U2AF2: variants seen among roughly 807,000 people sequenced by gnomAD.
The protein encoded by U2AF2 is splicing factor U2AF 65 kDa subunit.
A neutral mutation model predicts 52.6 loss-of-function variants in U2AF2; 6 were observed. That is an observed-to-expected ratio of 0.11 (90% CI 0.06 to 0.23). U2AF2 has a LOEUF of 0.23. Among genes scored for constraint, U2AF2 ranks in the 10% least tolerant of loss-of-function variants. The pLI is 1.00. For missense variants in U2AF2, 222 were observed against 677.1 expected, an observed-to-expected ratio of 0.33 and a Z score of 7.46; for synonymous variants, 284 against 258.2, an observed-to-expected ratio of 1.10 and a Z score of -0.96.
chr19:55,660,746 G>C (rs1245433298), intron 4 of U2AF2, 127 bp downstream of exon 4: 1 of 979,360 alleles, frequency 1.0e-6, no homozygotes, highest in African/African-American at 1.6e-5. Context: ...ACACCCCTGG[G>C]GGTTCTGGTC....
At chr19:55,660,147 C>G (rs371714687) in intron 2 of U2AF2, 30 bp from the exon 3 acceptor site, 3 of 1,591,330 alleles carry the variant, frequency 1.9e-6, no homozygotes. Flanking sequence ...CCAGTCACCC[C>G]TCCCCATACC....
intron 1 of U2AF2, among the ~76,000 whole-genome samples, chr19:55,657,912 A>G (rs1983899017): frequency 6.6e-6 from 1 of 152,200 alleles, no homozygotes; most frequent in Admixed American, 6.5e-5. Flanking sequence ...TTTCCGAAGC[A>G]GTAGTGAGGA....
In U2AF2 at chr19:55,669,181, G is replaced by A. The variant is rs774722661; in HGVS notation, c.1044G>A (p.Pro348=). The A allele has an allele frequency of 5.6e-6, 9 of 1,613,616 alleles. No individual in the cohort carries two copies. Among genetic ancestry groups the A allele is most frequent in the African/African-American group, 1.3e-5 (1 of 74,902 alleles). The part of the protein sequence containing the change: ...GAKNATLVSP[P]STINQTPVTL... ...AGAATGCCACGCTGGTGAGCCCCCC[G>A]GCACGTCATCTTCCATTGGCTTGAG... The change falls in exon 10 of 12, where the codon CCG becomes CCA. Residue 348 remains proline (P), a splice_region_variant and synonymous_variant. Coordinates refer to ENST00000308924, the MANE Select transcript of U2AF2 (RefSeq NM_007279.3).
intron 7 of U2AF2, among the ~76,000 whole-genome samples, chr19:55,665,517 T>C (rs1171316735): frequency 1.5e-5 from 2 of 135,372 alleles, no homozygotes; most frequent in Non-Finnish European, 3.2e-5. Flanking sequence ...CTAAGTGCCC[T>C]CCATGGACGG....
chr19:55,669,412 CT>C (rs1984740855), intron 10 of U2AF2, 31 bp from the exon 11 acceptor site: 2 of 1,568,714 alleles, frequency 1.3e-6, no homozygotes, highest in African/African-American at 1.4e-5. Context: ...TCTGGGCCCC[CT>C]GTGACGCCGC....
chr19:55,668,957 G>A lies in U2AF2; in HGVS notation c.946-126G>A. 1 of 1,473,836 alleles carries A rather than the reference G, an allele frequency of 6.8e-7. No homozygotes were observed. Among genetic ancestry groups the A allele is most frequent in the Non-Finnish European group, 9.1e-7 (1 of 1,096,550 alleles). The allele number at this position is 1,473,836 out of a possible 1,614,324, so 91.3% of individuals were successfully genotyped here. ...GTCCCATGGCGTTGGCTTTTTCCAGGCTCTTAATCCCCTTTGCCTTCCCCT... is the reference window on the plus strand; with the variant it reads ...GTCCCATGGCGTTGGCTTTTTCCAGACTCTTAATCCCCTTTGCCTTCCCCT... On this transcript the variant is annotated intron_variant, in intron 9 of 11. Transcript: ENST00000308924. This position sits in a 1 kb window ranked among gnomAD's most constrained non-coding sequence, Gnocchi z 5.5.
chr19:55,673,804 C>T, intron 11 of U2AF2, 130 bp from the exon 12 acceptor site: 4 of 1,311,252 alleles, frequency 3.1e-6, no homozygotes, highest in East Asian at 4.9e-5. Context: ...ACTAAGGGTC[C>T]CTTTCTGACA....
intron 6 of U2AF2, among the ~76,000 whole-genome samples, chr19:55,662,996 C>T (rs563761003): frequency 6.6e-6 from 1 of 152,220 alleles, no homozygotes; most frequent in East Asian, 1.9e-4. Context: ...TCTGTTACCC[C>T]AGCTAACTGA....
At chr19:55,658,703 G>A (rs2123672740) in intron 1 of U2AF2, among the ~76,000 whole-genome samples, 1 of 152,266 alleles carries the variant, frequency 6.6e-6, no homozygotes. Flanking sequence ...GGAAGGGATG[G>A]GTTGAGTTTC....
intron 5 of U2AF2, chr19:55,662,068 TC>T (rs562645040): frequency 1.1e-3 from 183 of 167,348 alleles, no homozygotes; most frequent in Non-Finnish European, 2.0e-3. Flanking sequence ...GCCTGCCACT[TC>T]CTTTCTACTT....
chr19:55,655,278 C>G (rs1266031469), intron 1 of U2AF2, 125 bp downstream of exon 1: 3 of 1,045,810 alleles, frequency 2.9e-6, no homozygotes, highest in Non-Finnish European at 4.0e-6. Context: ...AACCCTGGTT[C>G]CGTGGCGCGC....
intron 10 of U2AF2, 94 bp downstream of exon 10, chr19:55,669,275 G>T: frequency 6.4e-7 from 1 of 1,561,040 alleles, no homozygotes. Flanking sequence ...CAGCTTTCAT[G>T]GGAAGGCATT....
chr19:55,661,207 C>T lies in U2AF2; in HGVS notation c.486+18C>T, dbSNP rs370640577. ...TCACTGAGGTACTGCCCTCCCCTGC[C>T]CCCTACCCTCTCCCTTGTCCCTCTA... On this transcript the variant is annotated intron_variant, in intron 5 of 11. Transcript: ENST00000308924. 9.5e-5 allele frequency: 150 copies of T among 1,571,356 alleles called. No homozygotes were observed. In the African/African-American group the frequency reaches 1.9e-3, roughly 20 times the overall value.
intron 11 of U2AF2, among the ~76,000 whole-genome samples, chr19:55,673,421 C>T (rs888870385): frequency 7.9e-5 from 12 of 151,784 alleles, no homozygotes; most frequent in African/African-American, 2.7e-4. Context: ...TCCTTCCCTC[C>T]CTCCATTTTC....
Position 55,669,606 on chromosome 19 carries a change from C to G in U2AF2, c.1207C>G (p.Arg403Gly), listed in dbSNP as rs1472578836. The G allele has an allele frequency of 6.2e-7, 1 of 1,613,630 alleles. No homozygotes were observed. The highest frequency in any genetic ancestry group is 1.7e-5 in the Admixed American group (1 of 59,984). The change falls in exon 11 of 12, where the codon CGG (arginine) becomes GGG (glycine). Residue 403 changes from arginine to glycine, a missense_variant. Around this residue, in one of 4 missense-constraint regions of U2AF2, gnomAD observed 71 missense variants for 180.6 expected, o/e 0.39. Transcript: ENST00000308924. ...GTATGAGGAGATCGTGGAGGACGTGCGGGACGAGTGCAGCAAGTACGGGCT... is the reference window on the plus strand; with the variant it reads ...GTATGAGGAGATCGTGGAGGACGTGGGGGACGAGTGCAGCAAGTACGGGCT... ...EEYEEIVEDV[R>G]DECSKYGLVK...
At chr19:55,673,803 C>A (rs1220974358) in intron 11 of U2AF2, 131 bp from the exon 12 acceptor site, 2 of 1,286,850 alleles carry the variant, frequency 1.6e-6, no homozygotes, top group African/African-American at 1.5e-5. Flanking sequence ...TACTAAGGGT[C>A]CCTTTCTGAC....
At chr19:55,673,787 C>G (rs1411103353) in intron 11 of U2AF2, 147 bp from the exon 12 acceptor site, 2 of 1,120,656 alleles carry the variant, frequency 1.8e-6, no homozygotes, top group East Asian at 5.1e-5. Flanking sequence ...CTCCACCAAA[C>G]CTGCTTACTA....
chr19:55,667,247 G>A (rs943460294), intron 7 of U2AF2, among the ~76,000 whole-genome samples: 1 of 152,156 alleles, frequency 6.6e-6, no homozygotes, highest in Non-Finnish European at 1.5e-5. Context: ...AGCGGCTCAT[G>A]CTTCTGAGGC....
At chr19:55,673,798 A>G in intron 11 of U2AF2, 136 bp from the exon 12 acceptor site, 2 of 1,242,592 alleles carry the variant, frequency 1.6e-6, no homozygotes, top group Non-Finnish European at 2.2e-6. Context: ...CTGCTTACTA[A>G]GGGTCCCTTT....
Sources: allele counts gnomAD v4.1 joint callset (sites outside exome capture counted in the v4.1 genomes callset), GRCh38; gene constraint gnomAD v4.1.1; regional missense constraint gnomAD v4.1.1; non-coding constraint Gnocchi (gnomAD v3.1); transcripts MANE v1.5; gene names NCBI Gene and HGNC (gene_info 2026-07-23, HGNC 2026-07-21).